The following ST6GALNAC5 variants were observed in gnomAD, a reference collection of about 807,000 sequenced individuals.
ST6GALNAC5 encodes ST6 N-acetylgalactosaminide alpha-2,6-sialyltransferase 5.
In ST6GALNAC5, 27 loss-of-function variants were observed where a neutral mutation model predicts 33.6. The ratio of observed to expected loss-of-function variants is 0.80; its 90% confidence interval spans 0.59 to 1.11. The LOEUF (loss-of-function observed/expected upper bound fraction) is 1.11. Ranked by LOEUF, ST6GALNAC5 falls within the 50% of genes least tolerant of loss-of-function variation. ST6GALNAC5 has a pLI of 0.00. For synonymous variants in ST6GALNAC5, 194 were observed against 171.2 expected (o/e 1.13, Z -1.04); for missense variants, 428 against 454.0 (o/e 0.94, Z 0.52).
At chr1:77,001,469 T>C (rs2100410180) in intron 2 of ST6GALNAC5, among the ~76,000 whole-genome samples, 1 of 130,656 alleles carries the variant, frequency 7.7e-6, no homozygotes, top group African/African-American at 2.9e-5. Flanking sequence ...CTTTTCCTAA[T>C]TGAATACCCT....
At chr1:77,057,090 C>T (rs1193214855) in intron 4 of ST6GALNAC5, among the ~76,000 whole-genome samples, 2 of 152,190 alleles carry the variant, frequency 1.3e-5, no homozygotes, top group African/African-American at 2.4e-5. Flanking sequence ...TCTATTCTCT[C>T]TATTCTTCAA....
chr1:77,056,684 C>A (rs1553176845), intron 4 of ST6GALNAC5, among the ~76,000 whole-genome samples: 1 of 152,150 alleles, frequency 6.6e-6, no homozygotes, highest in Non-Finnish European at 1.5e-5. Context: ...TGTGGAATGG[C>A]AATGCCGCCC....
At chr1:76,903,511 T>C (rs921138995) in intron 2 of ST6GALNAC5, among the ~76,000 whole-genome samples, 2 of 152,206 alleles carry the variant, frequency 1.3e-5, no homozygotes, top group African/African-American at 4.8e-5. Flanking sequence ...GTTACATGTG[T>C]CCCAGCAGTT....
chr1:76,907,246 G>A (rs867708057), intron 2 of ST6GALNAC5, among the ~76,000 whole-genome samples: 9 of 152,008 alleles, frequency 5.9e-5, no homozygotes, highest in Middle Eastern at 3.4e-3. Flanking sequence ...TTCTTAGGAT[G>A]AACTCCTCAA....
chr1:76,951,645 T>C (rs1647750189), intron 2 of ST6GALNAC5, among the ~76,000 whole-genome samples: 1 of 152,146 alleles, frequency 6.6e-6, no homozygotes, highest in Admixed American at 6.6e-5. Context: ...TTTAATGAAA[T>C]ATTAAAATTA....
intron 2 of ST6GALNAC5, among the ~76,000 whole-genome samples, chr1:76,954,154 CA>C (rs898070269): frequency 1.3e-5 from 2 of 151,322 alleles, no homozygotes; most frequent in Non-Finnish European, 2.9e-5. Flanking sequence ...ATAGACTGGA[CA>C]AAAAAAATGT....
intron 2 of ST6GALNAC5, among the ~76,000 whole-genome samples, chr1:77,026,790 T>A: frequency 7.2e-6 from 1 of 139,308 alleles, no homozygotes; most frequent in Admixed American, 7.5e-5. Context: ...AAGAACACTT[T>A]CTGAATGAAT....
chr1:76,989,712 C>T (rs1454364495), intron 2 of ST6GALNAC5, among the ~76,000 whole-genome samples: 3 of 141,976 alleles, frequency 2.1e-5, no homozygotes, highest in South Asian at 2.2e-4. Flanking sequence ...AAAGGTAGAA[C>T]GCTTCTCAAA....
At chr1:77,019,042 T>C in intron 2 of ST6GALNAC5, among the ~76,000 whole-genome samples, 1 of 152,212 alleles carries the variant, frequency 6.6e-6, no homozygotes, top group Non-Finnish European at 1.5e-5. Flanking sequence ...AGTGAAATGA[T>C]ATCAATTCCC....
chr1:76,911,678 G>A (rs1410319726), intron 2 of ST6GALNAC5, among the ~76,000 whole-genome samples: 6 of 152,128 alleles, frequency 3.9e-5, no homozygotes, highest in African/African-American at 7.2e-5. Flanking sequence ...TTGGGAGAGG[G>A]TATGTGTTGA....
chr1:76,939,765 T>C (rs1055260257), intron 2 of ST6GALNAC5, among the ~76,000 whole-genome samples: 2 of 152,128 alleles, frequency 1.3e-5, no homozygotes, highest in Non-Finnish European at 2.9e-5. Flanking sequence ...TGCCAGGCAC[T>C]GTGCTAGGCA....
intron 2 of ST6GALNAC5, among the ~76,000 whole-genome samples, chr1:76,883,849 T>G (rs1466925106): frequency 6.6e-6 from 1 of 152,212 alleles, no homozygotes. Context: ...ATGAATGAGA[T>G]GTGATCCTCA....
At chr1:76,930,885 A>G (rs1386844304) in intron 2 of ST6GALNAC5, among the ~76,000 whole-genome samples, 2 of 152,142 alleles carry the variant, frequency 1.3e-5, no homozygotes, top group African/African-American at 4.8e-5. Context: ...GTTGTGGCAG[A>G]GACACTCTTA....
At chr1:77,016,833 C>T (rs1178753831) in intron 2 of ST6GALNAC5, among the ~76,000 whole-genome samples, 1 of 152,168 alleles carries the variant, frequency 6.6e-6, no homozygotes, top group Non-Finnish European at 1.5e-5. Context: ...AAATTAGAAT[C>T]TTCAACAACT....
At chr1:77,019,483 G>C (rs1181833894) in intron 2 of ST6GALNAC5, among the ~76,000 whole-genome samples, 1 of 152,220 alleles carries the variant, frequency 6.6e-6, no homozygotes. Context: ...TTGCTGAAGG[G>C]AAGTGGAGAG....
At chr1:76,894,318 G>T (rs992749716) in intron 2 of ST6GALNAC5, among the ~76,000 whole-genome samples, 5 of 152,134 alleles carry the variant, frequency 3.3e-5, no homozygotes, top group African/African-American at 1.2e-4. Flanking sequence ...AGATAGGCCT[G>T]TTGCAGTGTA....
At chr1:76,965,222 C>G (rs931081927) in intron 2 of ST6GALNAC5, among the ~76,000 whole-genome samples, 1 of 151,892 alleles carries the variant, frequency 6.6e-6, no homozygotes, top group African/African-American at 2.4e-5. Context: ...ACCACCCCCC[C>G]CACCAACAGT....
rs148331959 is a variant in ST6GALNAC5, at chr1:76,949,253, G to T, written c.261+80511G>T. Among the ~76,000 whole-genome samples, 4 of 152,082 alleles carry T rather than the reference G, an allele frequency of 2.6e-5. No individual in the cohort carries two copies. In the East Asian group the frequency reaches 5.8e-4, roughly 22 times the overall value. On this transcript the variant is annotated intron_variant, in intron 2 of 4. Transcript: ENST00000477717. ...CATGAGTGTTAAGAACTGGGAATTC[G>T]TTTCTTCCCGAGGCCAATTCTCACA...
At chr1:76,972,294 A>G (rs1221038089) in intron 2 of ST6GALNAC5, among the ~76,000 whole-genome samples, 1 of 151,984 alleles carries the variant, frequency 6.6e-6, no homozygotes, top group Non-Finnish European at 1.5e-5. Context: ...GAAAGACCTC[A>G]CCCTGTGATT....
Sources: allele counts gnomAD v4.1 joint callset (sites outside exome capture counted in the v4.1 genomes callset), GRCh38; gene constraint gnomAD v4.1.1; transcripts MANE v1.5; gene names NCBI Gene and HGNC (gene_info 2026-07-23, HGNC 2026-07-21).